AFG2A: variants seen among roughly 807,000 people sequenced by gnomAD.
AFG2A encodes the protein ATPase family gene 2 protein homolog A.
At chr4:123,315,647 A>G in the AFG2A span, 1 of 152,218 alleles carries the variant, frequency 6.6e-6, no homozygotes, top group African/African-American at 2.4e-5. Context: ...CAGATCAGAA[A>G]CTGGCAATGG....
the AFG2A span, among the ~76,000 whole-genome samples, chr4:123,220,455 G>GA: frequency 1.5e-4 from 22 of 149,254 alleles, no homozygotes; most frequent in East Asian, 2.0e-4. Flanking sequence ...ACTAAAAATA[G>GA]AAAAAAAAAT....
chr4:122,936,005 G>A, the AFG2A span: 1 of 1,300,976 alleles, frequency 7.7e-7, no homozygotes, highest in Non-Finnish European at 1.0e-6. Flanking sequence ...GTAATTTTAA[G>A]TATTATAGAA....
chr4:123,107,988 G>T, the AFG2A span, among the ~76,000 whole-genome samples: 1 of 152,190 alleles, frequency 6.6e-6, no homozygotes, highest in Non-Finnish European at 1.5e-5. Flanking sequence ...AGAACACAAG[G>T]ATGCCTGGGT....
chr4:123,202,150 G>T, the AFG2A span, among the ~76,000 whole-genome samples: 1 of 152,002 alleles, frequency 6.6e-6, no homozygotes, highest in Non-Finnish European at 1.5e-5. Context: ...TTATGCTGGG[G>T]TTAATATTCT....
At chr4:123,070,984 G>A in the AFG2A span, among the ~76,000 whole-genome samples, 7 of 152,104 alleles carry the variant, frequency 4.6e-5, no homozygotes, top group Non-Finnish European at 7.4e-5. Flanking sequence ...AATGGCACAC[G>A]TTTAAAAGCA....
At chr4:123,213,474 T>G in the AFG2A span, among the ~76,000 whole-genome samples, 7 of 152,146 alleles carry the variant, frequency 4.6e-5, no homozygotes, top group African/African-American at 1.7e-4. Flanking sequence ...AAGAGGACAC[T>G]CCAACAAAAC....
chr4:123,303,031 C>T, the AFG2A span, among the ~76,000 whole-genome samples: 2 of 149,224 alleles, frequency 1.3e-5, no homozygotes, highest in Non-Finnish European at 3.0e-5. Flanking sequence ...CATCTGTTTG[C>T]TCTCTTATCC....
chr4:123,143,968 CG>C, the AFG2A span, among the ~76,000 whole-genome samples: 1 of 151,488 alleles, frequency 6.6e-6, no homozygotes, highest in African/African-American at 2.4e-5. Flanking sequence ...ATGTTTTCAT[CG>C]TAATGCTATA....
chr4:123,118,774 C>T, the AFG2A span, among the ~76,000 whole-genome samples: 48 of 151,766 alleles, frequency 3.2e-4, no homozygotes, highest in African/African-American at 1.1e-3. Context: ...TTGAATGTGT[C>T]GGGGTTTCCA....
At chr4:123,111,596 A>T in the AFG2A span, among the ~76,000 whole-genome samples, 3 of 152,014 alleles carry the variant, frequency 2.0e-5, no homozygotes, top group Admixed American at 6.6e-5. Context: ...TTTCCCTTTA[A>T]TAGTAGATCA....
chr4:123,017,904 A>G, the AFG2A span, among the ~76,000 whole-genome samples: 5 of 152,350 alleles, frequency 3.3e-5, no homozygotes, highest in East Asian at 7.7e-4. Context: ...TCATAGATGT[A>G]TAAAAACATT....
At chr4:123,256,964 G>A in the AFG2A span, 1 of 463,106 alleles carries the variant, frequency 2.2e-6, no homozygotes, top group Non-Finnish European at 2.8e-6. Flanking sequence ...CAATGATGTA[G>A]ACTTTTAATG....
chr4:123,112,076 T>C, the AFG2A span, among the ~76,000 whole-genome samples: 1 of 152,152 alleles, frequency 6.6e-6, no homozygotes, highest in Admixed American at 6.5e-5. Flanking sequence ...AAAATTGCTT[T>C]AAATTATTAT....
the AFG2A span, among the ~76,000 whole-genome samples, chr4:123,196,167 AT>A: frequency 1.5e-4 from 12 of 79,674 alleles, no homozygotes; most frequent in South Asian, 4.9e-4. Context: ...TGCCCAGCTA[AT>A]TTTTTTTTTT....
chr4:123,141,509 A>C, the AFG2A span, among the ~76,000 whole-genome samples: 17 of 152,194 alleles, frequency 1.1e-4, no homozygotes, highest in African/African-American at 4.1e-4. Context: ...GTTACTCTAT[A>C]GTGTACTGTG....
chr4:123,290,252 T>G, the AFG2A span, among the ~76,000 whole-genome samples: 1 of 152,174 alleles, frequency 6.6e-6, no homozygotes, highest in Non-Finnish European at 1.5e-5. Flanking sequence ...GCTTTTGAGG[T>G]TTTAGTCATG....
At chr4:122,936,816 C>T in the AFG2A span, among the ~76,000 whole-genome samples, 2 of 152,124 alleles carry the variant, frequency 1.3e-5, no homozygotes, top group South Asian at 2.1e-4. Context: ...CCCGTCTCTA[C>T]TAAAAATACA....
the AFG2A span, among the ~76,000 whole-genome samples, chr4:122,970,399 A>G: frequency 1.3e-5 from 2 of 152,098 alleles, no homozygotes; most frequent in Non-Finnish European, 2.9e-5. Context: ...ATAAAATCAC[A>G]TAAAGACACA....
chr4:123,311,914 C>T, the AFG2A span, among the ~76,000 whole-genome samples: 2 of 152,318 alleles, frequency 1.3e-5, no homozygotes, highest in Admixed American at 6.5e-5. Flanking sequence ...TTCCCTTCCT[C>T]GGATGTGCCA....
Sources: allele counts gnomAD v4.1 joint callset (sites outside exome capture counted in the v4.1 genomes callset), GRCh38; gene constraint gnomAD v4.1.1; transcripts MANE v1.5; gene names NCBI Gene and HGNC (gene_info 2026-07-23, HGNC 2026-07-21).